The following AGBL1 variants were observed in gnomAD, a reference collection of about 807,000 sequenced individuals.
The protein encoded by AGBL1 is cytosolic carboxypeptidase 4.
A neutral mutation model predicts 118.9 loss-of-function variants in AGBL1; 130 were observed. That is an observed-to-expected ratio of 1.09 (90% CI 0.95 to 1.26). The LOEUF (loss-of-function observed/expected upper bound fraction) is 1.26, where lower values mean the gene tolerates loss of function less well. AGBL1 is among the 50% of genes most tolerant of loss of function. The pLI is 0.00. For synonymous variants in AGBL1, 555 were observed against 478.9 expected, an observed-to-expected ratio of 1.16 and a Z score of -2.08; for missense variants, 1,584 against 1,298.1, an observed-to-expected ratio of 1.22 and a Z score of -3.38.
chr15:86,756,884 A>G (rs2077949386), intron 22 of AGBL1, among the ~76,000 whole-genome samples: 1 of 151,998 alleles, frequency 6.6e-6, no homozygotes, highest in Non-Finnish European at 1.5e-5. Context: ...GACAGTTCAA[A>G]TAGCTCCCTC....
chr15:86,286,024 A>G (rs1168316010), intron 16 of AGBL1, among the ~76,000 whole-genome samples: 1 of 152,046 alleles, frequency 6.6e-6, no homozygotes, highest in Non-Finnish European at 1.5e-5. Flanking sequence ...TCAGGCACCA[A>G]AGGGCTATGG....
intron 5 of AGBL1, among the ~76,000 whole-genome samples, chr15:86,197,893 CTTT>C (rs2141847106): frequency 6.7e-6 from 1 of 149,538 alleles, no homozygotes; most frequent in African/African-American, 2.5e-5. Flanking sequence ...ATGAGCTATT[CTTT>C]AAAAAAAAAA....
At chr15:86,825,120 C>T (rs547528602) in intron 22 of AGBL1, among the ~76,000 whole-genome samples, 25 of 151,614 alleles carry the variant, frequency 1.6e-4, no homozygotes, top group Admixed American at 1.1e-3. Flanking sequence ...ACTCAACCTA[C>T]GCAAATATAT....
intron 1 of AGBL1, among the ~76,000 whole-genome samples, chr15:86,089,121 T>C (rs1895859251): frequency 6.6e-6 from 1 of 152,356 alleles, no homozygotes; most frequent in East Asian, 1.9e-4. Flanking sequence ...TAGTATTTCA[T>C]AGGACATTAG....
chr15:86,734,635 T>C (rs17630348), intron 22 of AGBL1, among the ~76,000 whole-genome samples: 16,471 of 152,104 alleles, frequency 0.11, 956 homozygotes, highest in East Asian at 0.2. Context: ...TGTGGAGTCA[T>C]TGTCACTGGT....
At chr15:86,506,241 C>T (rs2082974949) in intron 18 of AGBL1, among the ~76,000 whole-genome samples, 1 of 151,956 alleles carries the variant, frequency 6.6e-6, no homozygotes, top group Non-Finnish European at 1.5e-5. Context: ...CCTGAGCATG[C>T]ACATAGCCCT....
intron 21 of AGBL1, among the ~76,000 whole-genome samples, chr15:86,639,072 A>C (rs2085150689): frequency 6.6e-6 from 1 of 152,190 alleles, no homozygotes; most frequent in Non-Finnish European, 1.5e-5. Context: ...GGCAAGCGAG[A>C]AGGCAATAGA....
intron 17 of AGBL1, among the ~76,000 whole-genome samples, chr15:86,305,352 T>A (rs1424106083): frequency 1.3e-5 from 2 of 152,122 alleles, no homozygotes; most frequent in African/African-American, 4.8e-5. Flanking sequence ...TTCAAGATAG[T>A]GATTCCATCT....
Position 86,345,367 on chromosome 15 carries a change from A to T in AGBL1, c.2374+49959A>T, listed in dbSNP as rs1176122231. On this transcript the variant is annotated intron_variant, in intron 17 of 22. Coordinates refer to ENST00000614907, the MANE Select transcript of AGBL1 (RefSeq NM_001386094.1). ...GGCACCAATAGTGCATCAGCGAGCA[A>T]CATTAATTATGCACCTACTATGTTC... is the stretch of plus-strand genomic sequence containing the variant. 3.9e-5 allele frequency among the ~76,000 whole-genome samples: 6 copies of T among 152,348 alleles called. No homozygotes were observed. In the South Asian group the frequency reaches 1.2e-3, roughly 32 times the overall value.
At chr15:86,308,946 T>C (rs2079880810) in intron 17 of AGBL1, among the ~76,000 whole-genome samples, 1 of 152,222 alleles carries the variant, frequency 6.6e-6, no homozygotes, top group African/African-American at 2.4e-5. Context: ...AATTGTTTTA[T>C]CTATTTCTGT....
intron 24 of AGBL1, chr15:87,028,769 C>T: frequency 6.4e-7 from 1 of 1,553,244 alleles, no homozygotes; most frequent in Admixed American, 1.7e-5. Flanking sequence ...GTGGCACAAA[C>T]CAGAAGTTAC....
intron 22 of AGBL1, among the ~76,000 whole-genome samples, chr15:86,827,344 T>C (rs368179617): frequency 7.5e-3 from 51 of 6,830 alleles, no homozygotes; most frequent in South Asian, 0.011. Flanking sequence ...TATATGTGTA[T>C]ATATATATAT....
chr15:86,208,665 AT>A (rs1393959047), intron 5 of AGBL1, among the ~76,000 whole-genome samples: 2 of 152,012 alleles, frequency 1.3e-5, no homozygotes, highest in Admixed American at 6.6e-5. Context: ...TGGTGGTGAT[AT>A]CCCCTTTATC....
At chr15:86,595,476 T>C (rs1266233541) in intron 21 of AGBL1, among the ~76,000 whole-genome samples, 1 of 152,172 alleles carries the variant, frequency 6.6e-6, no homozygotes, top group Non-Finnish European at 1.5e-5. Context: ...CTCTCTTATA[T>C]TGATCAAAAT....
At chr15:86,393,599 T>A (rs2141984506) in intron 17 of AGBL1, among the ~76,000 whole-genome samples, 1 of 152,316 alleles carries the variant, frequency 6.6e-6, no homozygotes, top group Middle Eastern at 3.4e-3. Flanking sequence ...CGAAACCAAC[T>A]GTGAGCAAAT....
chr15:86,748,781 T>G (rs55939720), intron 22 of AGBL1, among the ~76,000 whole-genome samples: 23,006 of 151,696 alleles, frequency 0.15, 1,922 homozygotes, highest in East Asian at 0.25. Flanking sequence ...TTTCCCCATA[T>G]CTTGTTTTTG....
intron 22 of AGBL1, among the ~76,000 whole-genome samples, chr15:86,798,593 AGTT>A (rs1165009741): frequency 1.3e-5 from 2 of 151,862 alleles, no homozygotes; most frequent in African/African-American, 4.8e-5. Context: ...TAATTTATTT[AGTT>A]GTTTTTTAAC....
chr15:86,237,113 C>T (rs908738831), intron 6 of AGBL1, among the ~76,000 whole-genome samples: 7 of 152,128 alleles, frequency 4.6e-5, no homozygotes, highest in Admixed American at 1.3e-4. Flanking sequence ...AGACAAGAAA[C>T]GTTCTGGAGC....
intron 1 of AGBL1, chr15:86,086,474 G>A (rs1037946714): frequency 3.3e-5 from 5 of 152,140 alleles, no homozygotes; most frequent in Non-Finnish European, 7.3e-5. Context: ...TCAGGTTCTT[G>A]TTAGAGAAAA....
Sources: gnomAD v4.1 joint callset for allele counts (sites outside exome capture counted in the v4.1 genomes callset) on GRCh38, gnomAD v4.1.1 for gene constraint, MANE v1.5 for transcripts, NCBI Gene and HGNC (gene_info 2026-07-23, HGNC 2026-07-21) for gene names.